Variants in COX5A observed in about 807,000 individuals in gnomAD.
The protein encoded by COX5A is cytochrome c oxidase subunit 5A, mitochondrial.
COX5A carries 6 observed loss-of-function variants against 16.1 expected under a neutral mutation model. That is an observed-to-expected ratio of 0.37 (90% confidence interval 0.20 to 0.73). COX5A has a LOEUF of 0.73. Ranked by LOEUF, COX5A falls within the 30% of genes least tolerant of loss-of-function variation. The pLI is 0.50. For synonymous variants in COX5A, 73 were observed against 73.8 expected, an observed-to-expected ratio of 0.99 and a Z score of 0.06; for missense variants, 159 against 194.9, an observed-to-expected ratio of 0.82 and a Z score of 1.10.
intron 2 of COX5A, 61 bp downstream of exon 2, chr15:74,929,055 G>T: frequency 8.7e-7 from 1 of 1,155,938 alleles, no homozygotes; most frequent in Non-Finnish European, 1.3e-6. Flanking sequence ...TCTCAATAAA[G>T]GAGCAGAAGC....
At chr15:74,935,032 AT>A (rs1311593211) in intron 1 of COX5A, among the ~76,000 whole-genome samples, 2 of 152,248 alleles carry the variant, frequency 1.3e-5, no homozygotes, top group African/African-American at 4.8e-5. Context: ...TTGGGTTTAA[AT>A]TTAGTTAAAT....
At chr15:74,934,753 A>G (rs1038615627) in intron 1 of COX5A, among the ~76,000 whole-genome samples, 1 of 152,038 alleles carries the variant, frequency 6.6e-6, no homozygotes, top group Admixed American at 6.6e-5. Context: ...TCTCTGCCCC[A>G]CACACCCCAC....
chr15:74,924,231 A>G (rs952791650), intron 3 of COX5A, among the ~76,000 whole-genome samples: 1 of 151,710 alleles, frequency 6.6e-6, no homozygotes, highest in Admixed American at 6.6e-5. Context: ...TTAAGTTAAC[A>G]CATTTGTTCG....
chr15:74,937,871 C>T (rs2065399083), intron 1 of COX5A, 44 bp downstream of exon 1: 4 of 1,165,754 alleles, frequency 3.4e-6, no homozygotes, highest in Middle Eastern at 3.2e-4. Flanking sequence ...CCCAGGTCAC[C>T]GCAAGGACAC....
chr15:74,932,541 TC>T (rs1269214800), intron 1 of COX5A, among the ~76,000 whole-genome samples: 1 of 151,900 alleles, frequency 6.6e-6, no homozygotes. Flanking sequence ...ATTAGTAATA[TC>T]CTATATATCT....
At position 74,929,196 on chromosome 15, in the gene COX5A, T is replaced by C. The variant is rs200382369; in HGVS notation, c.137A>G (p.Gln46Arg). 81 of 1,613,990 alleles carry C rather than the reference T, an allele frequency of 5.0e-5. No homozygotes were observed. The highest frequency in any genetic ancestry group is 6.7e-5 in the Non-Finnish European group (79 of 1,179,954). Reference protein sequence around the residue: ...QSVRCYSHGSQETDEEFDARW... With the variant: ...QSVRCYSHGSRETDEEFDARW... ...AGCATCAAACTCCTCATCTGTCTCC[T>C]GTGACCCATGGGAATAGCAGCGAAC... is the stretch of plus-strand genomic sequence containing the variant. Residue 46 changes from glutamine to arginine, a missense_variant, in exon 2 of 5, where the codon CAG becomes CGG. By Grantham distance (43) the Gln-to-Arg change is conservative. Transcript: ENST00000322347.
intron 1 of COX5A, among the ~76,000 whole-genome samples, chr15:74,935,802 C>T (rs78324724): frequency 0.046 from 6,903 of 150,368 alleles, 249 homozygotes; most frequent in Middle Eastern, 0.12. Context: ...CATGTTCAGG[C>T]TGGTCTGGAA....
rs1024951133 is a variant in COX5A at position 74,937,933 on chromosome 15, T to G, written c.82A>C (p.Thr28Pro). 1.6e-6 allele frequency: 2 copies of G among 1,231,216 alleles called. No individual in the cohort carries two copies. Among genetic ancestry groups the G allele is most frequent in the Non-Finnish European group, 1.0e-6 (1 of 986,832 alleles). The allele number at this position is 1,231,216 out of a possible 1,614,324, so 76.3% of individuals were successfully genotyped here. Residue 28 changes from threonine to proline, a missense_variant, in exon 1 of 5, where the codon ACC (threonine) becomes CCC (proline). By Grantham distance (38) the Thr-to-Pro change is conservative. Coordinates refer to ENST00000322347, the MANE Select transcript of COX5A (RefSeq NM_004255.4). ...GCCTTACCCACGGCGGGGCCGGGGG[T>G]CCGGGCGGAGTGCAGGAGGCCTCGA... is the stretch of plus-strand genomic sequence containing the variant. ...DPRGLLHSAR[T>P]PGPAVAIQSV... is the part of the protein sequence containing the mutation.
Position 74,921,587 on chromosome 15 carries a change from G to A in COX5A, c.*10-1145C>T, listed in dbSNP as rs190639509. Among the ~76,000 whole-genome samples, 77 of 151,834 alleles carry A rather than the reference G, an allele frequency of 5.1e-4. 2 individuals carry two copies. The East Asian group carries it at 0.013, about 26-fold the overall frequency. On this transcript the variant is annotated intron_variant, in intron 4 of 4. Coordinates refer to ENST00000322347, the MANE Select transcript of COX5A (RefSeq NM_004255.4). Reference sequence around the variant, plus strand: ...TCTACTAAAAATACAAAAATGAACCGGGCATGGTGGTGGGCACTTGTAATC... The same window carrying A: ...TCTACTAAAAATACAAAAATGAACCAGGCATGGTGGTGGGCACTTGTAATC...
chr15:74,926,467 C>T (rs1240294605), intron 3 of COX5A, among the ~76,000 whole-genome samples: 1 of 147,828 alleles, frequency 6.8e-6, no homozygotes, highest in Non-Finnish European at 1.5e-5. Context: ...TGAGCCATCA[C>T]ACACGGCCAA....
intron 1 of COX5A, among the ~76,000 whole-genome samples, chr15:74,931,499 TC>T (rs2065367408): frequency 6.6e-6 from 1 of 150,806 alleles, no homozygotes; most frequent in South Asian, 2.1e-4. Context: ...AGACTCTGTC[TC>T]AAAGAAAAAA....
At chr15:74,932,760 G>A (rs1048317478) in intron 1 of COX5A, among the ~76,000 whole-genome samples, 1 of 150,840 alleles carries the variant, frequency 6.6e-6, no homozygotes, top group Non-Finnish European at 1.5e-5. Flanking sequence ...GCAATGGCAC[G>A]ATTTCGGCTC....
chr15:74,937,409 T>C (rs1223965949), intron 1 of COX5A, among the ~76,000 whole-genome samples: 3 of 152,098 alleles, frequency 2.0e-5, no homozygotes, highest in African/African-American at 4.8e-5. Context: ...ACCCTAAAAA[T>C]GATGGAAAAG....
intron 4 of COX5A, among the ~76,000 whole-genome samples, chr15:74,922,078 T>C (rs1305273757): frequency 6.6e-6 from 1 of 151,970 alleles, no homozygotes; most frequent in Non-Finnish European, 1.5e-5. Flanking sequence ...GACCACTCCG[T>C]TAAAGCAAGC....
Position 74,936,310 on chromosome 15 carries a change from C to CA in COX5A, c.100+1604dup, listed in dbSNP as rs1165669410. Among the ~76,000 whole-genome samples, 596 of 147,012 alleles carry CA rather than the reference C, an allele frequency of 4.1e-3. 1 individual carries two copies. The highest frequency in any genetic ancestry group is 6.0e-3 in the Non-Finnish European group (396 of 65,628). On this transcript the variant is annotated intron_variant, in intron 1 of 4. Transcript: ENST00000322347. The stretch of plus-strand genomic sequence containing the variant: ...ACAAAACAAAACAAAAACAAACAAA[C>CA]AAACAAAAAAAAACAAGGAGTCAGT...
At chr15:74,925,198 G>A (rs1323111558) in intron 3 of COX5A, among the ~76,000 whole-genome samples, 1 of 151,838 alleles carries the variant, frequency 6.6e-6, no homozygotes, top group Non-Finnish European at 1.5e-5. Flanking sequence ...TACTCGGGAG[G>A]CTGAGGCAGA....
chr15:74,923,666 G>C lies in COX5A; in HGVS notation c.444C>G (p.Asp148Glu). Reference protein sequence around the residue: ...GISTPEELGLDKV With the variant: ...GISTPEELGLEKV The stretch of plus-strand genomic sequence containing the variant: ...CGCTTACCCATGCGGTTTACACTTT[G>C]TCAAGGCCCAGTTCCTCCGGAGTGG... The change falls in exon 4 of 5, where the codon GAC becomes GAG. Residue 148 changes from aspartate (D) to glutamate (E), a missense_variant. Coordinates refer to ENST00000322347, the MANE Select transcript of COX5A (RefSeq NM_004255.4). 6.2e-7 allele frequency: 1 copy of C among 1,607,908 alleles called. No individual in the cohort carries two copies. Among genetic ancestry groups the C allele is most frequent in the Non-Finnish European group, 8.5e-7 (1 of 1,176,156 alleles).
intron 2 of COX5A, among the ~76,000 whole-genome samples, chr15:74,928,183 G>A (rs990192010): frequency 1.2e-4 from 18 of 152,148 alleles, no homozygotes; most frequent in African/African-American, 3.9e-4. Flanking sequence ...GAATACGATA[G>A]TCATTGAGAT....
chr15:74,937,085 G>A (rs1270372279), intron 1 of COX5A, among the ~76,000 whole-genome samples: 1 of 152,048 alleles, frequency 6.6e-6, no homozygotes, highest in Non-Finnish European at 1.5e-5. Context: ...AGATCGAAGT[G>A]CAATTACTGT....
Sources: allele counts gnomAD v4.1 joint callset (sites outside exome capture counted in the v4.1 genomes callset), GRCh38; gene constraint gnomAD v4.1.1; transcripts MANE v1.5; gene names NCBI Gene and HGNC (gene_info 2026-07-23, HGNC 2026-07-21).